The following NHEJ1 variants were observed in gnomAD, a reference collection of about 807,000 sequenced individuals.
NHEJ1 encodes non-homologous end-joining factor 1.
In NHEJ1, 22 loss-of-function variants were observed where a neutral mutation model predicts 39.4. The observed-to-expected ratio is 0.56, with a 90% CI of 0.40 to 0.80. NHEJ1 has a LOEUF of 0.80. Among genes scored for constraint, NHEJ1 ranks in the 30% least tolerant of loss-of-function variants. The pLI is 0.00. For synonymous variants in NHEJ1, 154 were observed against 135.6 expected (o/e 1.14, Z -0.94); for missense variants, 329 against 357.1 (o/e 0.92, Z 0.63).
chr2:219,106,371 C>T (rs1949313825), intron 5 of NHEJ1, among the ~76,000 whole-genome samples: 1 of 152,098 alleles, frequency 6.6e-6, no homozygotes, highest in Non-Finnish European at 1.5e-5. Context: ...GCCTAAGTGA[C>T]GTCTGAGACT....
intron 5 of NHEJ1, among the ~76,000 whole-genome samples, chr2:219,103,797 C>G (rs1949288954): frequency 6.6e-6 from 1 of 152,140 alleles, no homozygotes; most frequent in African/African-American, 2.4e-5. Flanking sequence ...TTCTCAAAGT[C>G]ACACAGCTAG....
At chr2:219,096,443 CAA>C (rs1477695777) in intron 5 of NHEJ1, among the ~76,000 whole-genome samples, 1 of 152,070 alleles carries the variant, frequency 6.6e-6, no homozygotes, top group East Asian at 1.9e-4. Flanking sequence ...TACTGAGAAA[CAA>C]AAGTCAACAG....
rs563975938 is a variant in NHEJ1, at chr2:219,071,378, G to C, written c.*5003C>G. Among the ~76,000 whole-genome samples, 10 of 152,322 alleles carry C rather than the reference G, an allele frequency of 6.6e-5. No homozygotes were observed. In the South Asian group the frequency reaches 2.1e-3, roughly 32 times the overall value. On this transcript the variant is annotated 3_prime_UTR_variant, in exon 8 of 8. Transcript: ENST00000356853. The stretch of plus-strand genomic sequence containing the variant: ...GTAGGGGTTAGGCAAACAGGCCAGG[G>C]AGGCCGTTGGTTGAAATTTAACCAC...
At chr2:219,132,945 T>C (rs1296161548) in intron 5 of NHEJ1, among the ~76,000 whole-genome samples, 2 of 152,246 alleles carry the variant, frequency 1.3e-5, no homozygotes, top group African/African-American at 4.8e-5. Flanking sequence ...CTTTTCAGTA[T>C]AATTCCATCA....
rs1401822772 is a variant in NHEJ1, at chr2:219,073,646, C to T, written c.*2735G>A. On this transcript the variant is annotated 3_prime_UTR_variant, in exon 8 of 8. Coordinates refer to ENST00000356853, the MANE Select transcript of NHEJ1 (RefSeq NM_024782.3). ...CTTCCTCGAGGTCCCAAGTCCTGCTCCTGGTTTGCTGGCTTGCTCGTGTAA... is the reference window on the plus strand; with the variant it reads ...CTTCCTCGAGGTCCCAAGTCCTGCTTCTGGTTTGCTGGCTTGCTCGTGTAA... Among the ~76,000 whole-genome samples, 1 of 152,230 alleles carries T rather than the reference C, an allele frequency of 6.6e-6. No individual in the cohort carries two copies. The highest frequency in any genetic ancestry group is 2.4e-5 in the African/African-American group (1 of 41,470).
chr2:219,120,572 G>A (rs1000545707), intron 5 of NHEJ1, among the ~76,000 whole-genome samples: 4 of 152,176 alleles, frequency 2.6e-5, no homozygotes, highest in African/African-American at 9.7e-5. Flanking sequence ...CTGCATGCCA[G>A]TGTCCAAGGT....
chr2:219,077,475 T>C lies in NHEJ1; in HGVS notation c.707-111A>G, dbSNP rs987174025. Reference sequence around the variant, plus strand: ...AAGGCCAGGGTTTGGTACAAATATATAAGCAGACAGAAGTAGCCACAAGTC... The same window carrying C: ...AAGGCCAGGGTTTGGTACAAATATACAAGCAGACAGAAGTAGCCACAAGTC... On this transcript the variant is annotated intron_variant, in intron 6 of 7. Transcript: ENST00000356853. 208 of 879,648 alleles carry C rather than the reference T, an allele frequency of 2.4e-4. 1 individual carries two copies. The highest frequency in any genetic ancestry group is 2.5e-5 in the Non-Finnish European group (13 of 524,082). 54.5% of individuals were successfully genotyped at this position (879,648 alleles called of 1,614,324 possible).
intron 5 of NHEJ1, among the ~76,000 whole-genome samples, chr2:219,088,750 T>C (rs942481887): frequency 1.3e-5 from 2 of 152,194 alleles, no homozygotes; most frequent in African/African-American, 4.8e-5. Flanking sequence ...TTGTAATAAT[T>C]CTTCAAGCTG....
chr2:219,131,462 G>A (rs1253793916), intron 5 of NHEJ1, among the ~76,000 whole-genome samples: 1 of 152,222 alleles, frequency 6.6e-6, no homozygotes. Context: ...CTGGGAAGCT[G>A]AATAAATATT....
intron 5 of NHEJ1, among the ~76,000 whole-genome samples, chr2:219,137,192 T>C (rs1431972597): frequency 6.6e-6 from 1 of 151,882 alleles, no homozygotes; most frequent in Admixed American, 6.6e-5. Context: ...TGCACAGCCA[T>C]ACCTTCCTCC....
intron 5 of NHEJ1, among the ~76,000 whole-genome samples, chr2:219,100,447 C>CAAAA (rs56196554): frequency 7.5e-6 from 1 of 134,006 alleles, no homozygotes. Context: ...TACTAAAATG[C>CAAAA]AAAAAAAAAA....
intron 5 of NHEJ1, chr2:219,124,707 A>G (rs1271955961): frequency 6.6e-6 from 1 of 151,922 alleles, no homozygotes; most frequent in Admixed American, 6.6e-5. Flanking sequence ...TTCGGAGTCT[A>G]CAACACTCTT....
At chr2:219,096,769 A>G (rs562428639) in intron 5 of NHEJ1, among the ~76,000 whole-genome samples, 2 of 152,186 alleles carry the variant, frequency 1.3e-5, no homozygotes, top group African/African-American at 2.4e-5. Context: ...AAGGTGACCA[A>G]TGTAGCTAGA....
chr2:219,109,786 A>G (rs1470769080), intron 5 of NHEJ1, among the ~76,000 whole-genome samples: 1 of 152,196 alleles, frequency 6.6e-6, no homozygotes, highest in East Asian at 1.9e-4. Context: ...GGCCAGGAGG[A>G]AACAGGCCCT....
At chr2:219,153,718 G>T (rs1237506760) in intron 3 of NHEJ1, among the ~76,000 whole-genome samples, 1 of 146,832 alleles carries the variant, frequency 6.8e-6, no homozygotes, top group Non-Finnish European at 1.5e-5. Flanking sequence ...GAGAGAGAGA[G>T]AGAGCAAGCA....
intron 5 of NHEJ1, among the ~76,000 whole-genome samples, chr2:219,112,226 T>C (rs1252920237): frequency 6.6e-6 from 1 of 152,182 alleles, no homozygotes; most frequent in Non-Finnish European, 1.5e-5. Context: ...CCAATTTAAG[T>C]AACCTAATGG....
chr2:219,106,779 G>T (rs1304399874), intron 5 of NHEJ1, among the ~76,000 whole-genome samples: 1 of 152,198 alleles, frequency 6.6e-6, no homozygotes, highest in Non-Finnish European at 1.5e-5. Flanking sequence ...ATCTTCAAGA[G>T]AAGATGAGAA....
At chr2:219,142,138 T>C (rs1353069959) in intron 5 of NHEJ1, among the ~76,000 whole-genome samples, 1 of 152,168 alleles carries the variant, frequency 6.6e-6, no homozygotes, top group African/African-American at 2.4e-5. Context: ...CCTAATTTCT[T>C]AGCTAAGGTA....
At chr2:219,090,183 T>C (rs559040146) in intron 5 of NHEJ1, among the ~76,000 whole-genome samples, 2 of 152,364 alleles carry the variant, frequency 1.3e-5, no homozygotes, top group South Asian at 4.1e-4. Flanking sequence ...GAGAGTTCCA[T>C]GCACTCTCAA....
Sources: allele counts gnomAD v4.1 joint callset (sites outside exome capture counted in the v4.1 genomes callset), GRCh38; gene constraint gnomAD v4.1.1; transcripts MANE v1.5; gene names NCBI Gene and HGNC (gene_info 2026-07-23, HGNC 2026-07-21).